Variants in PRKCZ observed in about 807,000 individuals in gnomAD.
PRKCZ encodes the protein protein kinase C zeta type.
Under a neutral mutation model 79.5 loss-of-function variants are expected in PRKCZ, and 33 were observed. The observed-to-expected ratio is 0.41, with a 90% CI of 0.31 to 0.55. The LOEUF is 0.55. Ranked by LOEUF, PRKCZ falls within the 20% of genes least tolerant of loss-of-function variation. PRKCZ has a pLI of 0.19. For missense variants in PRKCZ, 578 were observed against 813.5 expected (o/e 0.71, Z 3.52); for synonymous variants, 342 against 320.9 (o/e 1.07, Z -0.70).
intron 4 of PRKCZ, among the ~76,000 whole-genome samples, chr1:2,089,211 C>T (rs1571283690): frequency 1.5e-5 from 2 of 133,750 alleles, no homozygotes; most frequent in South Asian, 2.5e-4. Context: ...GGGCAGAGTT[C>T]GGCCGGGCGA....
At chr1:2,102,312 G>A (rs1217602119) in intron 4 of PRKCZ, among the ~76,000 whole-genome samples, 2 of 116,298 alleles carry the variant, frequency 1.7e-5, no homozygotes, top group African/African-American at 8.7e-5. Flanking sequence ...GTTTTTTATT[G>A]CGTTTTTTTT....
At chr1:2,114,680 A>T (rs898076602) in intron 4 of PRKCZ, among the ~76,000 whole-genome samples, 6 of 152,184 alleles carry the variant, frequency 3.9e-5, no homozygotes, top group Non-Finnish European at 8.8e-5. Context: ...AGGCTGAGGC[A>T]GGAGAATCGC....
Position 2,050,536 on chromosome 1 carries a change from T to C in PRKCZ, c.-95T>C. 3.8e-6 allele frequency: 3 copies of C among 786,330 alleles called. No homozygotes were observed. Among genetic ancestry groups the C allele is most frequent in the Non-Finnish European group, 5.1e-6 (3 of 592,678 alleles). 48.7% of individuals were successfully genotyped at this position (786,330 alleles called of 1,614,324 possible). A position where few individuals can be genotyped will look rare whatever the true frequency, so the allele number is the denominator to read the frequency against. ...GCGCCGTCGGTCCTGAGCGCTGCCTTCCGCGTTCCGCCGCGGCCCCACCTG... is the reference window on the plus strand; with the variant it reads ...GCGCCGTCGGTCCTGAGCGCTGCCTCCCGCGTTCCGCCGCGGCCCCACCTG... On this transcript the variant is annotated 5_prime_UTR_variant, in exon 1 of 18. Coordinates refer to ENST00000378567, the MANE Select transcript of PRKCZ (RefSeq NM_002744.6).
At chr1:2,129,257 A>G (rs1185038488) in intron 4 of PRKCZ, among the ~76,000 whole-genome samples, 1 of 152,142 alleles carries the variant, frequency 6.6e-6, no homozygotes, top group Non-Finnish European at 1.5e-5. Context: ...TGGATTTTTC[A>G]AGGCAGGTGC....
At chr1:2,133,938 G>A (rs1675609771) in intron 4 of PRKCZ, 1 of 152,274 alleles carries the variant, frequency 6.6e-6, no homozygotes, top group Non-Finnish European at 1.5e-5. Context: ...GGGGCACAGG[G>A]GCCGAAAGTG....
chr1:2,083,546 G>A (rs368635964), intron 4 of PRKCZ, among the ~76,000 whole-genome samples: 81 of 152,140 alleles, frequency 5.3e-4, no homozygotes, highest in African/African-American at 1.8e-3. Flanking sequence ...CAAAATATTC[G>A]GCAAGAGAGT....
rs947022006 is a variant in PRKCZ at position 2,149,423 on chromosome 1, G to A, written c.687+499G>A. ...AGAAGGGAACAGAAGAGCTTGCTGC[G>A]TTCTCAGCCTCTGCTCGTAAAACCC... On this transcript the variant is annotated intron_variant, in intron 8 of 17. Coordinates refer to ENST00000378567, the MANE Select transcript of PRKCZ (RefSeq NM_002744.6). The surrounding 1 kb of genome is among the most constrained non-coding windows in gnomAD (Gnocchi z 4.1). Among the ~76,000 whole-genome samples, 6 of 152,178 alleles carry A rather than the reference G, an allele frequency of 3.9e-5. No individual in the cohort carries two copies. Among genetic ancestry groups the A allele is most frequent in the Non-Finnish European group, 2.9e-5 (2 of 68,034 alleles).
intron 4 of PRKCZ, among the ~76,000 whole-genome samples, chr1:2,078,509 T>C (rs908657159): frequency 1.3e-5 from 2 of 152,218 alleles, no homozygotes; most frequent in Admixed American, 1.3e-4. Flanking sequence ...TTCTCAAGTT[T>C]CATGATAATG....
intron 10 of PRKCZ, among the ~76,000 whole-genome samples, chr1:2,158,061 G>A (rs1681453832): frequency 6.8e-6 from 1 of 146,092 alleles, no homozygotes; most frequent in Non-Finnish European, 1.5e-5. Flanking sequence ...GCTCTTGCCT[G>A]TGCTTGGCAG....
intron 16 of PRKCZ, chr1:2,181,783 G>C: frequency 2.2e-6 from 1 of 454,762 alleles, no homozygotes; most frequent in South Asian, 1.6e-5. Context: ...CAGGACTAAG[G>C]TAGGGAAAGT....
In PRKCZ at chr1:2,149,363, T is replaced by C. The variant is rs112954121; in HGVS notation, c.687+439T>C. Among the ~76,000 whole-genome samples the C allele has an allele frequency of 2.6e-5, 4 of 152,314 alleles. No individual in the cohort carries two copies. The highest frequency in any genetic ancestry group is 9.6e-5 in the African/African-American group (4 of 41,566). ...TTGAGCCAAGAGGCTCAACTGAGCCTCACGTCTGTGGCCAGCTCTGCACCA... is the reference window on the plus strand; with the variant it reads ...TTGAGCCAAGAGGCTCAACTGAGCCCCACGTCTGTGGCCAGCTCTGCACCA... On this transcript the variant is annotated intron_variant, in intron 8 of 17. Coordinates refer to ENST00000378567, the MANE Select transcript of PRKCZ (RefSeq NM_002744.6). The surrounding 1 kb of genome is among the most constrained non-coding windows in gnomAD (Gnocchi z 4.1).
chr1:2,073,951 C>T (rs529894678), intron 4 of PRKCZ: 316 of 1,368,766 alleles, frequency 2.3e-4, no homozygotes, highest in Admixed American at 5.0e-4. Flanking sequence ...GCATCTCCCC[C>T]GTGGATTTTC....
intron 4 of PRKCZ, among the ~76,000 whole-genome samples, chr1:2,100,752 G>A (rs12073657): frequency 0.027 from 4,090 of 152,236 alleles, 179 homozygotes; most frequent in East Asian, 0.13. Flanking sequence ...CCCTGAGCAG[G>A]TGGGGTCTGC....
At chr1:2,157,189 C>T in intron 10 of PRKCZ, among the ~76,000 whole-genome samples, 1 of 152,108 alleles carries the variant, frequency 6.6e-6, no homozygotes, top group East Asian at 1.9e-4. Context: ...CTTCACGTCC[C>T]CAGGGGCCTG....
In PRKCZ at chr1:2,180,484, C is replaced by T. The variant is rs142222724; in HGVS notation, c.1576-4099C>T. 2.6e-5 allele frequency among the ~76,000 whole-genome samples: 4 copies of T among 152,012 alleles called. No individual in the cohort carries two copies. In the East Asian group the frequency reaches 7.7e-4, roughly 29 times the overall value. ...CACGGACACCCAGACGACGCGGACG[C>T]ACAGACGACGCGGACGCACAGATGA... On this transcript the variant is annotated intron_variant, in intron 16 of 17. Coordinates refer to ENST00000378567, the MANE Select transcript of PRKCZ (RefSeq NM_002744.6).
chr1:2,070,991 G>A (rs1288722016), intron 4 of PRKCZ, among the ~76,000 whole-genome samples: 1 of 151,460 alleles, frequency 6.6e-6, no homozygotes, highest in Non-Finnish European at 1.5e-5. Flanking sequence ...ATCCCCACAG[G>A]GACGTGGAGG....
chr1:2,109,279 A>G (rs576396017), intron 4 of PRKCZ, among the ~76,000 whole-genome samples: 9 of 152,022 alleles, frequency 5.9e-5, no homozygotes, highest in African/African-American at 1.9e-4. Flanking sequence ...GGATTCCTGG[A>G]GTGAGGGCAG....
chr1:2,184,754 G>T, intron 17 of PRKCZ, 56 bp downstream of exon 17: 1 of 1,530,026 alleles, frequency 6.5e-7, no homozygotes, highest in Non-Finnish European at 8.9e-7. Context: ...CCCATGGCAG[G>T]CCGGCACCTT....
At chr1:2,184,802 C>A in intron 17 of PRKCZ, 104 bp downstream of exon 17, 1 of 1,377,862 alleles carries the variant, frequency 7.3e-7, no homozygotes, top group Non-Finnish European at 1.0e-6. Flanking sequence ...GAGTCCCACC[C>A]GCCTGGTGTC....
Sources: gnomAD v4.1 joint callset for allele counts (sites outside exome capture counted in the v4.1 genomes callset) on GRCh38, gnomAD v4.1.1 for gene constraint, Gnocchi (gnomAD v3.1) non-coding constraint, MANE v1.5 for transcripts, NCBI Gene and HGNC (gene_info 2026-07-23, HGNC 2026-07-21) for gene names.